The following ADAM10 variants were observed in gnomAD, a reference collection of about 807,000 sequenced individuals.
The protein encoded by ADAM10 is disintegrin and metalloproteinase domain-containing protein 10.
In ADAM10, 17 loss-of-function variants were observed where a neutral mutation model predicts 90.1. The ratio of observed to expected loss-of-function variants is 0.19; its 90% CI spans 0.13 to 0.28. The LOEUF is 0.28. ADAM10 is among the 10% of genes least tolerant of loss of function. The probability of loss-of-function intolerance (pLI) is 1.00; values close to 1 mark genes in which losing one functional copy is unlikely to be tolerated. For synonymous variants in ADAM10, 310 were observed against 298.6 expected (o/e 1.04, Z -0.40); for missense variants, 610 against 914.3 (o/e 0.67, Z 4.29).
intron 15 of ADAM10, among the ~76,000 whole-genome samples, chr15:58,597,959 T>A (rs975803438): frequency 1.8e-4 from 28 of 152,304 alleles, no homozygotes; most frequent in African/African-American, 6.7e-4. Flanking sequence ...GTATGTTAAT[T>A]AAAACAGCAC....
rs1255843948 is a variant in ADAM10, at chr15:58,749,685, G to T, written c.-151C>A. The T allele has an allele frequency of 4.2e-6, 6 of 1,444,270 alleles. No individual in the cohort carries two copies. In the African/African-American group the frequency reaches 8.7e-5, roughly 21 times the overall value. The allele number at this position is 1,444,270 out of a possible 1,614,324, so 89.5% of individuals were successfully genotyped here. A position where few individuals can be genotyped will look rare whatever the true frequency, so the allele number is the denominator to read the frequency against. ...AGAAACGGCGAAGCACCTCCCTCTC[G>T]CTCCACTTCAGGGGCCGGCAACGCT... On this transcript the variant is annotated 5_prime_UTR_variant, in exon 1 of 16. Transcript: ENST00000260408.
intron 1 of ADAM10, among the ~76,000 whole-genome samples, chr15:58,740,415 A>AG (rs1271306545): frequency 7.3e-6 from 1 of 136,882 alleles, no homozygotes; most frequent in African/African-American, 3.2e-5. Context: ...TCTCTAGGGA[A>AG]GAAAAAAAAA....
intron 14 of ADAM10, among the ~76,000 whole-genome samples, chr15:58,603,910 T>C (rs1220954628): frequency 4.7e-5 from 7 of 148,384 alleles, no homozygotes; most frequent in East Asian, 1.9e-4. Flanking sequence ...AGGCCTACTT[T>C]AGAATGTATT....
At chr15:58,652,397 C>T (rs1056858828) in intron 5 of ADAM10, among the ~76,000 whole-genome samples, 1 of 152,112 alleles carries the variant, frequency 6.6e-6, no homozygotes, top group Non-Finnish European at 1.5e-5. Context: ...AGTCTTAATT[C>T]ATTTTGATTT....
At chr15:58,634,760 C>T (rs541864171) in intron 8 of ADAM10, among the ~76,000 whole-genome samples, 23 of 152,202 alleles carry the variant, frequency 1.5e-4, no homozygotes, top group African/African-American at 4.8e-4. Flanking sequence ...AAGCGTATTA[C>T]GATAACTGCT....
chr15:58,669,933 A>G (rs1897157077), intron 4 of ADAM10, among the ~76,000 whole-genome samples: 1 of 152,248 alleles, frequency 6.6e-6, no homozygotes, highest in Non-Finnish European at 1.5e-5. Context: ...ACTAACCTAG[A>G]GATTAGTGCA....
intron 5 of ADAM10, among the ~76,000 whole-genome samples, chr15:58,658,780 T>C (rs761816637): frequency 1.3e-5 from 2 of 152,236 alleles, no homozygotes; most frequent in Non-Finnish European, 2.9e-5. Flanking sequence ...TAAATATTCA[T>C]TGCCAGTATA....
chr15:58,661,562 T>A (rs370803407), intron 5 of ADAM10, among the ~76,000 whole-genome samples: 2 of 152,132 alleles, frequency 1.3e-5, no homozygotes, highest in African/African-American at 4.8e-5. Flanking sequence ...TTTCTCTGCC[T>A]GCTTTTATGG....
At chr15:58,615,990 A>T (rs2141003415) in intron 11 of ADAM10, among the ~76,000 whole-genome samples, 1 of 152,296 alleles carries the variant, frequency 6.6e-6, no homozygotes, top group Middle Eastern at 3.4e-3. Context: ...CCTGGGTGAC[A>T]GAGCAAGACC....
At chr15:58,704,717 C>T (rs1266486419) in intron 2 of ADAM10, among the ~76,000 whole-genome samples, 1 of 152,120 alleles carries the variant, frequency 6.6e-6, no homozygotes, top group Non-Finnish European at 1.5e-5. Context: ...TAAATGTATA[C>T]AGCATAGAGG....
At chr15:58,679,041 G>T in intron 4 of ADAM10, 83 bp downstream of exon 4, 1 of 1,337,270 alleles carries the variant, frequency 7.5e-7, no homozygotes, top group Non-Finnish European at 1.0e-6. Flanking sequence ...AAAGAAAACA[G>T]CTAATGCTTC....
intron 8 of ADAM10, among the ~76,000 whole-genome samples, chr15:58,639,174 C>G (rs1896350198): frequency 1.3e-5 from 2 of 152,170 alleles, no homozygotes; most frequent in South Asian, 4.1e-4. Context: ...GCTTCTCAAA[C>G]TTCACTGTGC....
chr15:58,644,143 G>A (rs1420938217), intron 6 of ADAM10, among the ~76,000 whole-genome samples, 165 bp from the exon 7 acceptor site: 3 of 151,604 alleles, frequency 2.0e-5, no homozygotes, highest in South Asian at 2.1e-4. Flanking sequence ...AGTGAGCTGC[G>A]CTGGGAAGGG....
chr15:58,654,507 G>C (rs907986110), intron 5 of ADAM10, among the ~76,000 whole-genome samples: 1 of 151,882 alleles, frequency 6.6e-6, no homozygotes, highest in Admixed American at 6.6e-5. Flanking sequence ...GCCTCCCAAG[G>C]ACCTGGGACT....
intron 1 of ADAM10, among the ~76,000 whole-genome samples, chr15:58,729,939 G>A (rs1899170926): frequency 7.1e-6 from 1 of 141,792 alleles, no homozygotes; most frequent in Admixed American, 7.6e-5. Context: ...TCCAGCGTAA[G>A]CAACAGAACG....
rs111678113 is a variant in ADAM10 at position 58,658,258 on chromosome 15, T to G, written c.585+6839A>C. Among the ~76,000 whole-genome samples the G allele has an allele frequency of 3.9e-3, 596 of 152,302 alleles. 5 individuals carry two copies. Among genetic ancestry groups the G allele is most frequent in the African/African-American group, 0.013 (543 of 41,570 alleles). On this transcript the variant is annotated intron_variant, in intron 5 of 15. Coordinates refer to ENST00000260408, the MANE Select transcript of ADAM10 (RefSeq NM_001110.4). ...GGATATCCAATTGTTCCAGTACCAT[T>G]TGTTGAAAAGACTGTTCTTTCCTCT...
intron 8 of ADAM10, among the ~76,000 whole-genome samples, chr15:58,635,274 C>CAAAAAAAAAAAAAA (rs58106236): frequency 1.5e-5 from 1 of 65,906 alleles, no homozygotes; most frequent in African/African-American, 7.5e-5. Context: ...GACTCTGTCT[C>CAAAAAAAAAAAAAA]AAAAAAAAAA....
intron 2 of ADAM10, chr15:58,686,605 T>C: frequency 1.0e-6 from 1 of 984,964 alleles, no homozygotes; most frequent in Non-Finnish European, 1.6e-6. Context: ...CCAGATCCTG[T>C]GCTTTACTCT....
intron 2 of ADAM10, among the ~76,000 whole-genome samples, chr15:58,699,042 A>G (rs1368598470): frequency 1.3e-5 from 2 of 152,214 alleles, no homozygotes; most frequent in African/African-American, 4.8e-5. Context: ...TCTAAAAACA[A>G]TAACAGAAAA....
Sources: allele counts gnomAD v4.1 joint callset (sites outside exome capture counted in the v4.1 genomes callset), GRCh38; gene constraint gnomAD v4.1.1; transcripts MANE v1.5; gene names NCBI Gene and HGNC (gene_info 2026-07-23, HGNC 2026-07-21).